Variants in CDC42BPA observed in about 807,000 individuals in gnomAD.
The protein encoded by CDC42BPA is CDC42 binding protein kinase alpha, also known as serine/threonine-protein kinase MRCK alpha.
In CDC42BPA, 80 loss-of-function variants were observed where a neutral mutation model predicts 223.5. That is an observed-to-expected ratio of 0.36 (90% CI 0.30 to 0.43). The LOEUF (loss-of-function observed/expected upper bound fraction) is 0.43. Among genes scored for constraint, CDC42BPA ranks in the 20% least tolerant of loss-of-function variants. CDC42BPA has a pLI of 1.00. For missense variants in CDC42BPA, 1,743 were observed against 2,099.9 expected (o/e 0.83, Z 3.32); for synonymous variants, 694 against 718.6 (o/e 0.97, Z 0.55).
chr1:227,129,039 T>C, intron 11 of CDC42BPA, 70 bp downstream of exon 11: 3 of 1,069,300 alleles, frequency 2.8e-6, no homozygotes, highest in Non-Finnish European at 4.1e-6. Context: ...TCAATAGATG[T>C]TTTTTGTGTG....
At chr1:227,148,771 G>GAAAAAAAAAAAA (rs1491285386) in intron 6 of CDC42BPA, among the ~76,000 whole-genome samples, 3 of 7,706 alleles carry the variant, frequency 3.9e-4, no homozygotes, top group Admixed American at 2.2e-3. Flanking sequence ...GGTCTCAAAA[G>GAAAAAAAAAAAA]CAAAAAAAAA....
chr1:227,058,611 G>A (rs1675091375), intron 21 of CDC42BPA, among the ~76,000 whole-genome samples: 1 of 152,114 alleles, frequency 6.6e-6, no homozygotes, highest in Non-Finnish European at 1.5e-5. Context: ...ACTAGTGTTG[G>A]GATGTGGCTG....
At chr1:227,235,954 G>A (rs72757324) in intron 2 of CDC42BPA, among the ~76,000 whole-genome samples, 1 of 152,336 alleles carries the variant, frequency 6.6e-6, no homozygotes, top group Non-Finnish European at 1.5e-5. Context: ...AGGAGAGATG[G>A]TAAGTAGCTT....
In CDC42BPA at chr1:227,230,812, C is replaced by CTTTTTTTTTTTTTTTTTTTTTTTTTTT. The variant is rs1309498246; in HGVS notation, c.271-17594_271-17593insAAAAAAAAAAAAAAAAAAAAAAAAAAA. The stretch of plus-strand genomic sequence containing the variant: ...GCTAACTGATTTCTATTTCTTTTTT[C>CTTTTTTTTTTTTTTTTTTTTTTTTTTT]TTTCTTTCTTTTTTTTTTTTTTTTT... On this transcript the variant is annotated intron_variant, in intron 2 of 36. Coordinates refer to ENST00000366766, the MANE Select transcript of CDC42BPA (RefSeq NM_001394014.1). Among the ~76,000 whole-genome samples the CTTTTTTTTTTTTTTTTTTTTTTTTTTT allele has an allele frequency of 3.6e-5, 4 of 111,756 alleles. 1 individual carries two copies. Among genetic ancestry groups the CTTTTTTTTTTTTTTTTTTTTTTTTTTT allele is most frequent in the Non-Finnish European group, 1.9e-5 (1 of 53,696 alleles). 73.3% of individuals were successfully genotyped at this position (111,756 alleles called of 152,430 possible).
chr1:227,069,934 C>T, intron 20 of CDC42BPA, 81 bp from the exon 21 acceptor site: 1 of 898,352 alleles, frequency 1.1e-6, no homozygotes, highest in East Asian at 2.5e-5. Context: ...TCTGAATCTA[C>T]TAAAAGCAGT....
intron 2 of CDC42BPA, among the ~76,000 whole-genome samples, chr1:227,218,149 CTGCAAG>C (rs1675200353): frequency 6.6e-6 from 1 of 152,158 alleles, no homozygotes; most frequent in South Asian, 2.1e-4. Flanking sequence ...ATATTCTCAG[CTGCAAG>C]TATACAACTA....
intron 5 of CDC42BPA, among the ~76,000 whole-genome samples, chr1:227,163,637 T>C (rs955230662): frequency 1.3e-5 from 2 of 152,020 alleles, no homozygotes; most frequent in Non-Finnish European, 2.9e-5. Context: ...AGGGATTCTA[T>C]TTACTCGAAC....
rs141898736 is a variant in CDC42BPA at position 227,295,933 on chromosome 1, C to A, written c.178+21072G>T. Among the ~76,000 whole-genome samples the A allele has an allele frequency of 4.6e-5, 7 of 152,308 alleles. No homozygotes were observed. The East Asian group carries it at 9.7e-4, about 21-fold the overall frequency. On this transcript the variant is annotated intron_variant, in intron 1 of 36. Coordinates refer to ENST00000366766, the MANE Select transcript of CDC42BPA (RefSeq NM_001394014.1). ...TGACCACACCTAACTGGAAATAAAGCTAGAAAACACAGTCAATCGGGTTTT... is the reference window on the plus strand; with the variant it reads ...TGACCACACCTAACTGGAAATAAAGATAGAAAACACAGTCAATCGGGTTTT...
intron 2 of CDC42BPA, among the ~76,000 whole-genome samples, chr1:227,220,305 TATATATACACACAC>T: frequency 1.2e-5 from 1 of 84,608 alleles, no homozygotes; most frequent in East Asian, 2.3e-4. Context: ...TATATATATA[TATATATACACACAC>T]ACACACACAT....
intron 12 of CDC42BPA, among the ~76,000 whole-genome samples, chr1:227,117,741 T>TA (rs35231554): frequency 6.6e-6 from 1 of 152,080 alleles, no homozygotes; most frequent in African/African-American, 2.4e-5. Context: ...TCAGATTTTT[T>TA]ATACAAGACA....
chr1:227,263,561 A>T (rs1394361502), intron 1 of CDC42BPA, among the ~76,000 whole-genome samples: 3 of 151,388 alleles, frequency 2.0e-5, no homozygotes, highest in Non-Finnish European at 4.4e-5. Context: ...CCTTGCTGAT[A>T]TCTCATTACC....
At chr1:227,162,868 A>ATGTGTGTGTG (rs36157906) in intron 5 of CDC42BPA, among the ~76,000 whole-genome samples, 5,077 of 149,414 alleles carry the variant, frequency 0.034, 125 homozygotes, top group Non-Finnish European at 0.047. Context: ...ATAAATATAT[A>ATGTGTGTGTG]TGTGTGTGTG....
At chr1:227,002,104 G>A (rs1662988966) in intron 35 of CDC42BPA, among the ~76,000 whole-genome samples, 1 of 149,834 alleles carries the variant, frequency 6.7e-6, no homozygotes, top group Non-Finnish European at 1.5e-5. Flanking sequence ...AACTTAATGT[G>A]TTTGTTTGTC....
intron 3 of CDC42BPA, among the ~76,000 whole-genome samples, chr1:227,211,413 G>GA (rs1284851907): frequency 7.3e-5 from 11 of 151,098 alleles, no homozygotes; most frequent in East Asian, 1.9e-4. Context: ...CTACCCAAAG[G>GA]AAAAAAAATC....
chr1:227,231,615 C>CCTATTT (rs1677978731), intron 2 of CDC42BPA, among the ~76,000 whole-genome samples: 1 of 149,316 alleles, frequency 6.7e-6, no homozygotes, highest in African/African-American at 2.5e-5. Flanking sequence ...TAAAAGCGTT[C>CCTATTT]CTATTTCTCC....
At chr1:227,161,441 A>G (rs563362138) in intron 5 of CDC42BPA, among the ~76,000 whole-genome samples, 24 of 152,218 alleles carry the variant, frequency 1.6e-4, no homozygotes, top group Non-Finnish European at 2.8e-4. Flanking sequence ...GAGAACCTAT[A>G]TATTTTTTAA....
At chr1:227,022,922 T>C (rs1301159528) in intron 32 of CDC42BPA, among the ~76,000 whole-genome samples, 1 of 152,220 alleles carries the variant, frequency 6.6e-6, no homozygotes, top group Non-Finnish European at 1.5e-5. Flanking sequence ...GATGAGTGTT[T>C]ATAATTTTAA....
At chr1:227,311,874 CTGTATCTTGCCCATACCT>C (rs1184776518) in intron 1 of CDC42BPA, among the ~76,000 whole-genome samples, 3 of 151,318 alleles carry the variant, frequency 2.0e-5, no homozygotes, top group African/African-American at 7.3e-5. Flanking sequence ...ATTTCCAAGT[CTGTATCTTGCCCATACCT>C]TACACTCTTT....
intron 14 of CDC42BPA, among the ~76,000 whole-genome samples, chr1:227,102,871 A>G (rs1558502797): frequency 6.6e-6 from 1 of 152,108 alleles, no homozygotes. Flanking sequence ...TAAAAATCCA[A>G]ATGATAATCT....
Sources: gnomAD v4.1 joint callset for allele counts (sites outside exome capture counted in the v4.1 genomes callset) on GRCh38, gnomAD v4.1.1 for gene constraint, MANE v1.5 for transcripts, NCBI Gene and HGNC (gene_info 2026-07-23, HGNC 2026-07-21) for gene names.